The following IQCN variants were observed in gnomAD, a reference collection of about 807,000 sequenced individuals.
IQCN encodes IQ domain-containing protein N.
IQCN carries 46 observed loss-of-function variants against 64.4 expected under a neutral mutation model. That is an observed-to-expected ratio of 0.71 (90% CI 0.56 to 0.91). The LOEUF is 0.91. Among genes scored for constraint, IQCN ranks in the 40% least tolerant of loss-of-function variants. The pLI is 0.00. For synonymous variants in IQCN, 733 were observed against 775.6 expected, an observed-to-expected ratio of 0.95 and a Z score of 0.91; for missense variants, 1,753 against 1,857.4, an observed-to-expected ratio of 0.94 and a Z score of 1.03.
rs1395429242 is a variant in IQCN, at chr19:18,270,835, A to C, written c.-109-1248T>G. Reference sequence around the variant, plus strand: ...GCCTGGCTGAGACCCTGTCTCAAAAAAAAAAAAAAAAAGATTGTGATTAAA... The same window carrying C: ...GCCTGGCTGAGACCCTGTCTCAAAACAAAAAAAAAAAAGATTGTGATTAAA... On this transcript the variant is annotated intron_variant, in intron 1 of 3. Coordinates refer to ENST00000392413, the MANE Select transcript of IQCN (RefSeq NM_001145304.2). 4.5e-4 allele frequency among the ~76,000 whole-genome samples: 68 copies of C among 151,150 alleles called. 1 individual carries two copies. In the East Asian group the frequency reaches 0.012, roughly 27 times the overall value.
At position 18,264,590 on chromosome 19, in the gene IQCN, A is replaced by C; in HGVS notation, c.2950T>G (p.Trp984Gly). 6.4e-7 allele frequency: 1 copy of C among 1,550,742 alleles called. No homozygotes were observed. The highest frequency in any genetic ancestry group is 8.7e-7 in the Non-Finnish European group (1 of 1,146,804). ...CACAGGGCCTGGCTCAGAGCCACCC[A>C]CTCCTCCTCCGTCAAAGCCTTGCTA... ...VLSKALTEEE[W>G]VALSQALCQG... Residue 984 changes from tryptophan (W) to glycine (G), a missense_variant, in exon 3 of 4, where the codon TGG (tryptophan) becomes GGG (glycine). By Grantham distance (184) the Trp-to-Gly change is radical. Transcript: ENST00000392413. The surrounding 1 kb of genome is among the most constrained non-coding windows in gnomAD (Gnocchi z 4.3).
chr19:18,273,113 C>T (rs1969777348), intron 1 of IQCN, among the ~76,000 whole-genome samples: 1 of 152,120 alleles, frequency 6.6e-6, no homozygotes, highest in South Asian at 2.1e-4. Flanking sequence ...TCACTGCAAC[C>T]TCCGCCTCCC....
rs1235528801 is a variant in IQCN, at chr19:18,266,607, T to C, written c.933A>G (p.Arg311=). 1.2e-6 allele frequency: 2 copies of C among 1,613,886 alleles called. No individual in the cohort carries two copies. Among genetic ancestry groups the C allele is most frequent in the Admixed American group, 3.3e-5 (2 of 59,986 alleles). ...RYDQAVTRPS[R]AQTQGPVKAE... Reference sequence around the variant, plus strand: ...CTTTCACAGGGCCCTGGGTTTGGGCTCTGGATGGTCTCGTAACTGCCTGGT... The same window carrying C: ...CTTTCACAGGGCCCTGGGTTTGGGCCCTGGATGGTCTCGTAACTGCCTGGT... The change falls in exon 3 of 4, where the codon AGA becomes AGG. Residue 311 remains arginine (R), a synonymous_variant. Coordinates refer to ENST00000392413, the MANE Select transcript of IQCN (RefSeq NM_001145304.2). The surrounding 1 kb of genome is among the most constrained non-coding windows in gnomAD (Gnocchi z 4.3).
At position 18,267,418 on chromosome 19, in the gene IQCN, G is replaced by A. The variant is rs1969626583; in HGVS notation, c.122C>T (p.Pro41Leu). 9.5e-6 allele frequency: 15 copies of A among 1,574,744 alleles called. No homozygotes were observed. The highest frequency in any genetic ancestry group is 1.3e-5 in the Non-Finnish European group (15 of 1,160,984). ...TTTCTCCATTTTGTCCAGGAGACTGGGGTGAGCGGGGGCTGGAGGATGCAC... is the reference window on the plus strand; with the variant it reads ...TTTCTCCATTTTGTCCAGGAGACTGAGGTGAGCGGGGGCTGGAGGATGCAC... ...WAVHPPAPAH[P>L]SLLDKMEKAP... Residue 41 changes from proline (P) to leucine (L), a missense_variant, in exon 3 of 4, where the codon CCC (proline) becomes CTC (leucine). Physicochemically the swap from Pro to Leu is moderately conservative, Grantham distance 98. Transcript: ENST00000392413.
chr19:18,264,560 C>A lies in IQCN; in HGVS notation c.2980G>T (p.Gly994Cys). 6.4e-7 allele frequency: 1 copy of A among 1,551,410 alleles called. No individual in the cohort carries two copies. The highest frequency in any genetic ancestry group is 8.7e-7 in the Non-Finnish European group (1 of 1,146,946). Residue 994 changes from glycine to cysteine, a missense_variant, in exon 3 of 4, where the codon GGT becomes TGT. Gly to Cys is a radical substitution (Grantham distance 159). Transcript: ENST00000392413. The surrounding 1 kb of genome is among the most constrained non-coding windows in gnomAD (Gnocchi z 4.3). ...WVALSQALCQ[G>C]ELGALLSQSW... ...TGGCTCAGGAGAGCACCCAGCTCAC[C>A]CTGACACAGGGCCTGGCTCAGAGCC...
rs1377747054 is a variant in IQCN at position 18,266,001 on chromosome 19, G to A, written c.1539C>T (p.Thr513=). ...AGGCCAGACACAGAGTCTTGAGGATGGTGGCCACCGAGCGTAACTGGGCTG... is the reference window on the plus strand; with the variant it reads ...AGGCCAGACACAGAGTCTTGAGGATAGTGGCCACCGAGCGTAACTGGGCTG... ...KTPAQLRSVA[T]ILKTLCLASP... Residue 513 remains threonine, a synonymous_variant, in exon 3 of 4, where the codon ACC becomes ACT. Coordinates refer to ENST00000392413, the MANE Select transcript of IQCN (RefSeq NM_001145304.2). This position sits in a 1 kb window ranked among gnomAD's most constrained non-coding sequence, Gnocchi z 4.3. The A allele has an allele frequency of 1.2e-6, 2 of 1,614,062 alleles. No individual in the cohort carries two copies. Among genetic ancestry groups the A allele is most frequent in the Non-Finnish European group, 1.7e-6 (2 of 1,179,932 alleles).
chr19:18,270,359 C>CAA (rs199590561), intron 1 of IQCN, among the ~76,000 whole-genome samples: 34,515 of 121,220 alleles, frequency 0.28, 4,486 homozygotes, highest in Admixed American at 0.37. Context: ...AAAACTGTCT[C>CAA]AAAAAAAAAA....
chr19:18,268,961 CAAA>C (rs35086395), intron 2 of IQCN, among the ~76,000 whole-genome samples: 4 of 54,402 alleles, frequency 7.4e-5, no homozygotes, highest in African/African-American at 1.4e-4. Flanking sequence ...GACTCTGTCT[CAAA>C]AAAAAAAAAA....
intron 1 of IQCN, among the ~76,000 whole-genome samples, chr19:18,270,080 T>G (rs183930201): frequency 0.086 from 8,552 of 98,940 alleles, 389 homozygotes; most frequent in Non-Finnish European, 0.11. Context: ...AAAAAAAAAT[T>G]GGCCAGGCGT....
rs1016638201 is a variant in IQCN, at chr19:18,257,893, G to A, written c.3391C>T (p.Arg1131Cys). ...CCCCGGTGCCACAGCCGGATCCTGC[G>A]ACGCGCCAGGTAGCCACGGACGCCC... ...QAGVRGYLAR[R>C]RIRLWHRGAM... The change falls in exon 4 of 4, where the codon CGC (arginine) becomes TGC (cysteine). Residue 1131 changes from arginine (R) to cysteine (C), a missense_variant. Transcript: ENST00000392413. The A allele has an allele frequency of 8.7e-6, 14 of 1,612,478 alleles. No individual in the cohort carries two copies. The highest frequency in any genetic ancestry group is 1.6e-4 in the Middle Eastern group (1 of 6,078).
intron 3 of IQCN, chr19:18,258,311 G>A: frequency 1.4e-6 from 1 of 710,862 alleles, no homozygotes; most frequent in South Asian, 1.5e-5. Context: ...CCCCAGTGCG[G>A]ATGACGGGCC....
chr19:18,267,060 CT>C lies in IQCN; in HGVS notation c.479del (p.Glu160GlyfsTer29). 6.2e-7 allele frequency: 1 copy of C among 1,614,264 alleles called. No individual in the cohort carries two copies. The highest frequency in any genetic ancestry group is 8.5e-7 in the Non-Finnish European group (1 of 1,180,046). On this transcript the variant is annotated frameshift_variant, in exon 3 of 4. Transcript: ENST00000392413. LOFTEE classifies it high-confidence loss of function. ...KSLVKKTRAE[E>X]GDIPYHAPQQ... Reference sequence around the variant, plus strand: ...GTGGGGCGTGATAAGGTATGTCCCCCTCCTCCGCCCTCGTTTTCTTTACCAA... The same window carrying C: ...GTGGGGCGTGATAAGGTATGTCCCCCCCTCCGCCCTCGTTTTCTTTACCAA...
rs1759576963 is a variant in IQCN, at chr19:18,257,300, C to T, written c.3984G>A (p.Lys1328=). ...QQMRQQQMAA[K]IVQATWRGHH... ...GGCCTCGCCAGGTGGCTTGAACTAT[C>T]TTCGCTGCCATTTGCTGCTGCCTCA... Residue 1328 remains lysine, a synonymous_variant, in exon 4 of 4, where the codon AAG becomes AAA. Transcript: ENST00000392413. The T allele has an allele frequency of 6.2e-7, 1 of 1,613,610 alleles. No homozygotes were observed. Among genetic ancestry groups the T allele is most frequent in the Non-Finnish European group, 8.5e-7 (1 of 1,180,012 alleles).
intron 1 of IQCN, among the ~76,000 whole-genome samples, chr19:18,273,722 G>A (rs1969791765): frequency 1.3e-5 from 2 of 152,190 alleles, no homozygotes; most frequent in South Asian, 2.1e-4. Context: ...TTGAACCCGG[G>A]AGACAGCAGC....
At position 18,265,583 on chromosome 19, in the gene IQCN, T is replaced by C. The variant is rs746566902; in HGVS notation, c.1957A>G (p.Met653Val). The change falls in exon 3 of 4, where the codon ATG (methionine) becomes GTG (valine). Residue 653 changes from methionine to valine, a missense_variant. Met to Val is a conservative substitution (Grantham distance 21). Transcript: ENST00000392413. This position sits in a 1 kb window ranked among gnomAD's most constrained non-coding sequence, Gnocchi z 4.7. ...KPPHVYVPVD[M>V]AVTLPRGQLA... The stretch of plus-strand genomic sequence containing the variant: ...TGTCCCCGGGGCAGGGTGACAGCCA[T>C]GTCTACAGGCACATACACGTGAGGT... The C allele has an allele frequency of 1.2e-6, 2 of 1,612,684 alleles. No individual in the cohort carries two copies. Among genetic ancestry groups the C allele is most frequent in the South Asian group, 1.1e-5 (1 of 91,028 alleles).
Position 18,258,613 on chromosome 19 carries a change from G to A in IQCN, c.3178-507C>T, listed in dbSNP as rs1179132705. 7.0e-5 allele frequency: 25 copies of A among 356,362 alleles called. 1 individual carries two copies. In the Admixed American group the frequency reaches 7.5e-4, roughly 11 times the overall value. 22.1% of individuals were successfully genotyped at this position (356,362 alleles called of 1,614,324 possible). ...GCCGAGGACGGATATAGTGGCACAT[G>A]TGAGACCATGCTGGTGGTCCCTGAC... On this transcript the variant is annotated intron_variant, in intron 3 of 3. Coordinates refer to ENST00000392413, the MANE Select transcript of IQCN (RefSeq NM_001145304.2).
At chr19:18,272,689 C>A (rs1166704686) in intron 1 of IQCN, among the ~76,000 whole-genome samples, 1 of 150,926 alleles carries the variant, frequency 6.6e-6, no homozygotes, top group Non-Finnish European at 1.5e-5. Flanking sequence ...CGGCTCACTG[C>A]AAGCTCTGCC....
Position 18,257,860 on chromosome 19 carries a change from C to A in IQCN, c.3424G>T (p.Val1142Phe). Residue 1142 changes from valine (V) to phenylalanine (F), a missense_variant, in exon 4 of 4, where the codon GTC becomes TTC. Val to Phe is a conservative substitution (Grantham distance 50). Coordinates refer to ENST00000392413, the MANE Select transcript of IQCN (RefSeq NM_001145304.2). ...TAGCCGCGCCAAGTAGCTTGGATGA[C>A]CATGGCCCCCCGGTGCCACAGCCGG... ...RIRLWHRGAM[V>F]IQATWRGYRV... The A allele has an allele frequency of 6.2e-7, 1 of 1,612,092 alleles. No individual in the cohort carries two copies. Among genetic ancestry groups the A allele is most frequent in the Non-Finnish European group, 8.5e-7 (1 of 1,179,858 alleles).
chr19:18,265,421 C>T lies in IQCN; in HGVS notation c.2119G>A (p.Ala707Thr), dbSNP rs753108966. Residue 707 changes from alanine to threonine, a missense_variant, in exon 3 of 4, where the codon GCC becomes ACC. Transcript: ENST00000392413. This position sits in a 1 kb window ranked among gnomAD's most constrained non-coding sequence, Gnocchi z 4.7. ...TTGCTCAGACAGGTGTCCAGATGGG[C>T]CAGGGATGGGGTCTTGGTCAGCTCA... ...PTELTKTPSL[A>T]HLDTCLSKMH... The T allele has an allele frequency of 6.2e-7, 1 of 1,614,138 alleles. No homozygotes were observed.
Sources: allele counts gnomAD v4.1 joint callset (sites outside exome capture counted in the v4.1 genomes callset), GRCh38; gene constraint gnomAD v4.1.1; non-coding constraint Gnocchi (gnomAD v3.1); transcripts MANE v1.5; gene names NCBI Gene and HGNC (gene_info 2026-07-23, HGNC 2026-07-21).